Variants in CD109 observed in about 807,000 individuals in gnomAD.
The protein encoded by CD109 is CD109 antigen.
In CD109, 149 loss-of-function variants were observed where a neutral mutation model predicts 165.8. The ratio of observed to expected loss-of-function variants is 0.90; its 90% CI spans 0.79 to 1.03. The LOEUF is 1.03. Ranked by LOEUF, CD109 falls within the 50% of genes least tolerant of loss-of-function variation. The pLI, the probability that CD109 is intolerant of heterozygous loss-of-function variation, is 0.00. For missense variants in CD109, 1,712 were observed against 1,677.8 expected (o/e 1.02, Z -0.36); for synonymous variants, 585 against 592.1 (o/e 0.99, Z 0.18).
intron 32 of CD109, among the ~76,000 whole-genome samples, 196 bp from the exon 33 acceptor site, chr6:73,823,262 C>T (rs557360056): frequency 3.3e-5 from 5 of 152,166 alleles, no homozygotes; most frequent in Admixed American, 1.3e-4. Context: ...TTGGACTGAG[C>T]GCATTGTTTC....
intron 23 of CD109, among the ~76,000 whole-genome samples, chr6:73,793,153 G>C (rs1332465848): frequency 6.6e-6 from 1 of 152,158 alleles, no homozygotes; most frequent in Non-Finnish European, 1.5e-5. Flanking sequence ...TTAGTGCCAG[G>C]ATCAGTTTTC....
chr6:73,762,757 A>G lies in CD109; in HGVS notation c.872A>G (p.Asn291Ser). 1 of 1,602,588 alleles carries G rather than the reference A, an allele frequency of 6.2e-7. No individual in the cohort carries two copies. Among genetic ancestry groups the G allele is most frequent in the South Asian group, 1.1e-5 (1 of 89,080 alleles). Residue 291 changes from asparagine (N) to serine (S), a missense_variant, in exon 9 of 33, where the codon AAC (asparagine) becomes AGC (serine). Coordinates refer to ENST00000287097, the MANE Select transcript of CD109 (RefSeq NM_133493.5). ...TKTFKINGSA[N>S]FSFNDEEMKN... is the part of the protein sequence containing the mutation. ...ACAAAACAGATAAATGGATCTGCAA[A>G]CTTCTCTTTTAATGATGAAGAGATG...
rs77280841 is a variant in CD109, at chr6:73,782,978, C to CT, written c.2105+238dup. 5.8e-3 allele frequency among the ~76,000 whole-genome samples: 811 copies of CT among 139,036 alleles called. 16 individuals carry two copies. The highest frequency in any genetic ancestry group is 0.056 in the East Asian group (271 of 4,822). 91.2% of individuals were successfully genotyped at this position (139,036 alleles called of 152,430 possible). A position where few individuals can be genotyped will look rare whatever the true frequency, so the allele number is the denominator to read the frequency against. ...AGGTCTCATCAATGAGAAGATAGGC[C>CT]TTTTTTTTTTTTTTTAACTGAAGGG... On this transcript the variant is annotated intron_variant, in intron 18 of 32. Coordinates refer to ENST00000287097, the MANE Select transcript of CD109 (RefSeq NM_133493.5).
At chr6:73,682,583 G>A in the CD109 span, among the ~76,000 whole-genome samples, 411 of 152,336 alleles carry the variant, frequency 2.7e-3, no homozygotes, top group Middle Eastern at 0.014. Context: ...CCATTCTGGG[G>A]TCTGGAGGAC....
At chr6:73,769,807 T>C (rs1218487629) in intron 14 of CD109, among the ~76,000 whole-genome samples, 1 of 152,192 alleles carries the variant, frequency 6.6e-6, no homozygotes, top group African/African-American at 2.4e-5. Flanking sequence ...GTCTTGAACA[T>C]GCTGCTCCCT....
At chr6:73,723,750 G>GGGAGGGA (rs887731048) in intron 3 of CD109, among the ~76,000 whole-genome samples, 5 of 152,196 alleles carry the variant, frequency 3.3e-5, no homozygotes, top group African/African-American at 9.7e-5. Context: ...GGAGGGTAGA[G>GGGAGGGA]GGAGGGAGGA....
At chr6:73,731,732 G>A (rs542175981) in intron 4 of CD109, among the ~76,000 whole-genome samples, 1 of 152,134 alleles carries the variant, frequency 6.6e-6, no homozygotes, top group Non-Finnish European at 1.5e-5. Context: ...TGTGATCCTG[G>A]GTAAATTTAT....
At chr6:73,741,702 C>T (rs1226464038) in intron 5 of CD109, among the ~76,000 whole-genome samples, 1 of 152,118 alleles carries the variant, frequency 6.6e-6, no homozygotes, top group African/African-American at 2.4e-5. Context: ...GAAAGAGTCT[C>T]ACTCTGTTGA....
In CD109 at chr6:73,768,136, C is replaced by G. The variant is rs771820249; in HGVS notation, c.1579C>G (p.Pro527Ala). 1.2e-6 allele frequency: 2 copies of G among 1,610,112 alleles called. No individual in the cohort carries two copies. Among genetic ancestry groups the G allele is most frequent in the Non-Finnish European group, 8.5e-7 (1 of 1,176,626 alleles). Residue 527 changes from proline to alanine, a missense_variant, in exon 14 of 33, where the codon CCA (proline) becomes GCA (alanine). Pro to Ala is a conservative substitution (Grantham distance 27). Transcript: ENST00000287097. ...FSLTPENSWT[P>A]KACVIVYYIE... is the part of the protein sequence containing the mutation. Reference sequence around the variant, plus strand: ...TTTAACACCAGAAAATTCTTGGACTCCAAAAGCCTGTGTAATTGTGTATTA... The same window carrying G: ...TTTAACACCAGAAAATTCTTGGACTGCAAAAGCCTGTGTAATTGTGTATTA...
At position 73,785,467 on chromosome 6, in the gene CD109, A is replaced by G. The variant is rs769262053; in HGVS notation, c.2327A>G (p.Asp776Gly). ...LEITIFNYLK[D>G]ATEVKVIIEK... ...ATAACTATATTCAATTATTTGAAAGATGCCACTGAGGTAATGTATTCAAGC... is the reference window on the plus strand; with the variant it reads ...ATAACTATATTCAATTATTTGAAAGGTGCCACTGAGGTAATGTATTCAAGC... Residue 776 changes from aspartate to glycine, a missense_variant, in exon 20 of 33, where the codon GAT becomes GGT. Asp to Gly is a moderately conservative substitution (Grantham distance 94). Coordinates refer to ENST00000287097, the MANE Select transcript of CD109 (RefSeq NM_133493.5). 1.3e-6 allele frequency: 2 copies of G among 1,544,286 alleles called. No homozygotes were observed. The highest frequency in any genetic ancestry group is 4.5e-5 in the East Asian group (2 of 44,436).
chr6:73,806,263 CA>C (rs1040259865), intron 24 of CD109, among the ~76,000 whole-genome samples: 2 of 147,282 alleles, frequency 1.4e-5, no homozygotes, highest in Admixed American at 1.4e-4. Context: ...ATCGCAAGGA[CA>C]AAAAACCAAA....
intron 14 of CD109, among the ~76,000 whole-genome samples, chr6:73,770,113 C>T (rs1047685973): frequency 1.3e-5 from 2 of 151,950 alleles, no homozygotes; most frequent in Admixed American, 6.6e-5. Flanking sequence ...TAGGTTTCCA[C>T]CCTCCCACAG....
intron 29 of CD109, among the ~76,000 whole-genome samples, chr6:73,814,188 A>C (rs537960094): frequency 6.6e-6 from 1 of 152,166 alleles, no homozygotes; most frequent in East Asian, 1.9e-4. Context: ...GCACGTGTGC[A>C]TATGTGTATG....
At chr6:73,722,013 G>A (rs1317725675) in intron 2 of CD109, among the ~76,000 whole-genome samples, 1 of 152,166 alleles carries the variant, frequency 6.6e-6, no homozygotes, top group East Asian at 1.9e-4. Flanking sequence ...TGGGATTATA[G>A]GTGTGAGCCA....
chr6:73,820,406 T>A lies in CD109; in HGVS notation c.4060-55T>A, dbSNP rs535766373. The A allele has an allele frequency of 2.8e-4, 256 of 920,898 alleles. 2 individuals carry two copies. The highest frequency in any genetic ancestry group is 1.8e-3 in the Middle Eastern group (6 of 3,348). The allele number at this position is 920,898 out of a possible 1,614,324, so 57.0% of individuals were successfully genotyped here. ...GATGAGAAAAAAGAAATGTCTTTACTTAATCATGAACACACAGTGTGCCAA... is the reference window on the plus strand; with the variant it reads ...GATGAGAAAAAAGAAATGTCTTTACATAATCATGAACACACAGTGTGCCAA... On this transcript the variant is annotated intron_variant, in intron 31 of 32. Transcript: ENST00000287097.
At chr6:73,761,389 A>T (rs1773626207) in intron 7 of CD109, among the ~76,000 whole-genome samples, 1 of 152,200 alleles carries the variant, frequency 6.6e-6, no homozygotes, top group South Asian at 2.1e-4. Context: ...TCCAATTATG[A>T]TCAGGTATTT....
At chr6:73,762,613 G>C (rs938470832) in intron 8 of CD109, 128 bp from the exon 9 acceptor site, 1 of 971,514 alleles carries the variant, frequency 1.0e-6, no homozygotes, top group South Asian at 1.7e-5. Flanking sequence ...GAACAAATGA[G>C]AATTTATGCA....
chr6:73,760,507 A>G (rs553534716), intron 7 of CD109, among the ~76,000 whole-genome samples: 53 of 151,776 alleles, frequency 3.5e-4, no homozygotes, highest in Non-Finnish European at 6.0e-4. Flanking sequence ...GAGAGGATAA[A>G]ATTAATACAT....
rs536635056 is a variant in CD109 at position 73,776,820 on chromosome 6, G to A, written c.1828-3604G>A. Among the ~76,000 whole-genome samples, 4 of 152,136 alleles carry A rather than the reference G, an allele frequency of 2.6e-5. No homozygotes were observed. In the East Asian group the frequency reaches 7.7e-4, roughly 29 times the overall value. ...GATCCTCCTGCTTTGGCCTCCCAAA[G>A]TGCTGGGGTTACAGATGTGAGCACT... On this transcript the variant is annotated intron_variant, in intron 15 of 32. Transcript: ENST00000287097.
Sources: gnomAD v4.1 joint callset for allele counts (sites outside exome capture counted in the v4.1 genomes callset) on GRCh38, gnomAD v4.1.1 for gene constraint, MANE v1.5 for transcripts, NCBI Gene and HGNC (gene_info 2026-07-23, HGNC 2026-07-21) for gene names.